The following STK32B variants were observed in gnomAD, a reference collection of about 807,000 sequenced individuals.
STK32B encodes serine/threonine-protein kinase 32B.
STK32B carries 43 observed loss-of-function variants against 52.6 expected under a neutral mutation model. The ratio of observed to expected loss-of-function variants is 0.82; its 90% confidence interval spans 0.64 to 1.05. The LOEUF (loss-of-function observed/expected upper bound fraction) is 1.05. Ranked by LOEUF, STK32B falls within the 50% of genes least tolerant of loss-of-function variation. The probability of loss-of-function intolerance (pLI) is 0.00; values close to 1 mark genes in which losing one functional copy is unlikely to be tolerated. For missense variants in STK32B, 621 were observed against 534.6 expected, an observed-to-expected ratio of 1.16 and a Z score of -1.59; for synonymous variants, 238 against 204.3, an observed-to-expected ratio of 1.17 and a Z score of -1.41.
At chr4:5,348,839 G>A (rs1733641089) in intron 4 of STK32B, among the ~76,000 whole-genome samples, 1 of 152,114 alleles carries the variant, frequency 6.6e-6, no homozygotes, top group Non-Finnish European at 1.5e-5. Context: ...TGCAGCCAAG[G>A]GACCTGGGGG....
At chr4:5,490,785 C>T (rs1046486192) in intron 11 of STK32B, among the ~76,000 whole-genome samples, 6 of 152,084 alleles carry the variant, frequency 3.9e-5, no homozygotes, top group Admixed American at 3.9e-4. Flanking sequence ...CATGTGTTCT[C>T]ATTGTTCAAT....
chr4:5,331,469 G>A (rs1307204365), intron 4 of STK32B, 76 bp downstream of exon 4: 1 of 1,479,852 alleles, frequency 6.8e-7, no homozygotes, highest in Non-Finnish European at 9.1e-7. Flanking sequence ...TGCAGTAGTG[G>A]GGAGAGAATT....
At chr4:5,465,305 A>G (rs1196374046) in intron 9 of STK32B, among the ~76,000 whole-genome samples, 1 of 152,132 alleles carries the variant, frequency 6.6e-6, no homozygotes, top group African/African-American at 2.4e-5. Flanking sequence ...CTCATCTTAC[A>G]ATATGGAAAC....
chr4:5,122,243 CATTT>C (rs766488041), intron 1 of STK32B, among the ~76,000 whole-genome samples: 1 of 152,068 alleles, frequency 6.6e-6, no homozygotes, highest in African/African-American at 2.4e-5. Flanking sequence ...CATTCACTCA[CATTT>C]ACTCATTTAC....
chr4:5,494,325 A>T (rs1033650551), intron 11 of STK32B, among the ~76,000 whole-genome samples: 10 of 152,190 alleles, frequency 6.6e-5, no homozygotes, highest in East Asian at 5.8e-4. Context: ...TCCCTTTACC[A>T]TTATGTAATG....
At chr4:5,308,512 A>T (rs1730075672) in intron 3 of STK32B, among the ~76,000 whole-genome samples, 1 of 152,302 alleles carries the variant, frequency 6.6e-6, no homozygotes. Context: ...TATAAATATT[A>T]TAGGAGTAAG....
rs369788355 is a variant in STK32B at position 5,272,976 on chromosome 4, A to C, written c.261-58244A>C. Among the ~76,000 whole-genome samples the C allele has an allele frequency of 2.3e-3, 332 of 143,476 alleles. 1 individual carries two copies. Among genetic ancestry groups the C allele is most frequent in the African/African-American group, 7.9e-3 (299 of 37,914 alleles). The allele number at this position is 143,476 out of a possible 152,430, so 94.1% of individuals were successfully genotyped here. A position where few individuals can be genotyped will look rare whatever the true frequency, so the allele number is the denominator to read the frequency against. ...ACACCAAAAGCAATGGCAACAAAAG[A>C]CAAAATTGACAAATGGGATCTAATT... On this transcript the variant is annotated intron_variant, in intron 3 of 11. Coordinates refer to ENST00000282908, the MANE Select transcript of STK32B (RefSeq NM_018401.3).
chr4:5,283,219 A>G (rs1226105046), intron 3 of STK32B, among the ~76,000 whole-genome samples: 1 of 152,090 alleles, frequency 6.6e-6, no homozygotes, highest in Non-Finnish European at 1.5e-5. Context: ...TGTGCTCCAG[A>G]GTCATTAATG....
At chr4:5,132,915 C>G (rs1025040297) in intron 1 of STK32B, among the ~76,000 whole-genome samples, 1 of 152,060 alleles carries the variant, frequency 6.6e-6, no homozygotes, top group African/African-American at 2.4e-5. Flanking sequence ...TCTTCTGCCT[C>G]AGCCTCCCAA....
intron 4 of STK32B, among the ~76,000 whole-genome samples, chr4:5,369,080 G>T (rs768344072): frequency 3.9e-5 from 6 of 152,004 alleles, no homozygotes; most frequent in African/African-American, 7.2e-5. Context: ...AGCCAATGAG[G>T]TGTGAGCGGA....
chr4:5,335,508 T>G (rs1170829385), intron 4 of STK32B, among the ~76,000 whole-genome samples: 3 of 152,188 alleles, frequency 2.0e-5, no homozygotes, highest in African/African-American at 7.2e-5. Context: ...AGTTATTTCT[T>G]GCCTTCTGCT....
At chr4:5,204,454 GGTTT>G (rs376546700) in intron 3 of STK32B, among the ~76,000 whole-genome samples, 2 of 23,754 alleles carry the variant, frequency 8.4e-5, no homozygotes, top group Admixed American at 4.1e-4. Context: ...TTGTTTTTTA[GGTTT>G]TTTTGTTTTG....
intron 1 of STK32B, among the ~76,000 whole-genome samples, chr4:5,130,978 G>T (rs189623127): frequency 9.2e-5 from 14 of 152,278 alleles, no homozygotes; most frequent in Admixed American, 2.0e-4. Flanking sequence ...CCAAGAGGAT[G>T]GAGTGGATTC....
intron 1 of STK32B, among the ~76,000 whole-genome samples, chr4:5,125,864 C>T (rs549110962): frequency 2.6e-5 from 4 of 152,322 alleles, no homozygotes; most frequent in African/African-American, 7.2e-5. Context: ...CAGACCCCCA[C>T]GAAGGGGCTG....
chr4:5,469,777 C>T lies in STK32B; in HGVS notation c.1106+1707C>T, dbSNP rs1175207747. The stretch of plus-strand genomic sequence containing the variant: ...CTGGCCAACAACACAGGAAGGGCCT[C>T]TGCAGCCACAGCCCATCAGACTTGG... On this transcript the variant is annotated intron_variant, in intron 11 of 11. Transcript: ENST00000282908. The surrounding 1 kb of genome is among the most constrained non-coding windows in gnomAD (Gnocchi z 4.7). Among the ~76,000 whole-genome samples the T allele has an allele frequency of 6.6e-6, 1 of 152,222 alleles. No individual in the cohort carries two copies. Among genetic ancestry groups the T allele is most frequent in the Non-Finnish European group, 1.5e-5 (1 of 68,040 alleles).
the STK32B span, among the ~76,000 whole-genome samples, chr4:5,021,985 CAGA>C: frequency 6.6e-6 from 1 of 152,088 alleles, no homozygotes; most frequent in African/African-American, 2.4e-5. Flanking sequence ...GGAAGAACAC[CAGA>C]GGAGAGGGTG....
chr4:5,354,833 A>G (rs374987693), intron 4 of STK32B, among the ~76,000 whole-genome samples: 2 of 152,192 alleles, frequency 1.3e-5, no homozygotes, highest in East Asian at 1.9e-4. Context: ...TATAAATTAA[A>G]TTTTTAAAAA....
chr4:5,093,315 A>C, intron 1 of STK32B, among the ~76,000 whole-genome samples: 1 of 152,228 alleles, frequency 6.6e-6, no homozygotes, highest in East Asian at 1.9e-4. Context: ...AAAGAAACGT[A>C]AACAAATATG....
intron 4 of STK32B, among the ~76,000 whole-genome samples, chr4:5,352,095 A>G (rs1011507427): frequency 2.0e-5 from 3 of 152,134 alleles, no homozygotes; most frequent in African/African-American, 7.2e-5. Context: ...AACATATTCT[A>G]TGAGGACAGC....
Sources: gnomAD v4.1 joint callset for allele counts (sites outside exome capture counted in the v4.1 genomes callset) on GRCh38, gnomAD v4.1.1 for gene constraint, Gnocchi (gnomAD v3.1) non-coding constraint, MANE v1.5 for transcripts, NCBI Gene and HGNC (gene_info 2026-07-23, HGNC 2026-07-21) for gene names.